Variants in LRTM3 observed in about 807,000 individuals in gnomAD.
LRTM3 encodes the protein leucine-rich repeat transmembrane protein 3.
chr13:102,743,377 T>C, the LRTM3 span: 1 of 1,550,582 alleles, frequency 6.4e-7, no homozygotes, highest in Non-Finnish European at 8.7e-7. Context: ...TATTTGGAAA[T>C]GTATCAGCCA....
At chr13:102,750,161 T>C in the LRTM3 span, 4 of 1,551,098 alleles carry the variant, frequency 2.6e-6, no homozygotes, top group Non-Finnish European at 3.5e-6. Context: ...ATGCTCTGTA[T>C]GGCTTAGACA....
At chr13:102,740,532 C>T in the LRTM3 span, 15 of 1,549,450 alleles carry the variant, frequency 9.7e-6, no homozygotes, top group Non-Finnish European at 1.1e-5. Context: ...CATTTTTGGC[C>T]TGTTTTGAGT....
At chr13:102,741,544 T>A in the LRTM3 span, 1 of 1,550,244 alleles carries the variant, frequency 6.5e-7, no homozygotes, top group Non-Finnish European at 8.7e-7. Context: ...CTTCCTCAGT[T>A]ACCTTTCCTG....
the LRTM3 span, chr13:102,746,013 C>T: frequency 3.9e-5 from 60 of 1,551,148 alleles, no homozygotes; most frequent in Middle Eastern, 3.3e-4. Context: ...GCCTGTAAAG[C>T]TTTGGGAGGT....
the LRTM3 span, chr13:102,743,183 G>T: frequency 2.6e-6 from 4 of 1,550,362 alleles, no homozygotes; most frequent in Non-Finnish European, 3.5e-6. Context: ...ATGTAGTTTT[G>T]CTCCCTTTAC....
chr13:102,758,290 C>T, the LRTM3 span: 1 of 626,870 alleles, frequency 1.6e-6, no homozygotes, highest in South Asian at 2.3e-5. Flanking sequence ...TAGATTGAAT[C>T]ATGATATTGA....
the LRTM3 span, chr13:102,731,842 T>C: frequency 6.5e-7 from 1 of 1,549,852 alleles, no homozygotes; most frequent in Non-Finnish European, 8.7e-7. Context: ...ACTTTGGATC[T>C]TCAAGCATAG....
the LRTM3 span, chr13:102,733,195 C>G: frequency 3.2e-6 from 5 of 1,551,282 alleles, no homozygotes; most frequent in Non-Finnish European, 4.4e-6. Flanking sequence ...GGATCACTTG[C>G]TTTTTCATGA....
the LRTM3 span, chr13:102,740,378 A>G: frequency 4.5e-6 from 7 of 1,550,334 alleles, no homozygotes; most frequent in Non-Finnish European, 6.1e-6. Flanking sequence ...AAACAAGTCT[A>G]GTCCTGGTGT....
the LRTM3 span, chr13:102,741,636 A>C: frequency 6.4e-7 from 1 of 1,550,488 alleles, no homozygotes; most frequent in Non-Finnish European, 8.7e-7. Context: ...TGTTTCAGCA[A>C]TTCTTGCTCC....
the LRTM3 span, chr13:102,745,187 C>T: frequency 4.8e-5 from 74 of 1,550,824 alleles, 1 homozygote; most frequent in East Asian, 2.9e-4. Context: ...CTGACCTGAA[C>T]GGAACATGAA....
chr13:102,743,752 C>T, the LRTM3 span: 12 of 1,550,086 alleles, frequency 7.7e-6, no homozygotes, highest in Middle Eastern at 6.7e-4. Context: ...TTCTGGTAGA[C>T]TCTCTATTGA....
At chr13:102,759,007 C>G in the LRTM3 span, 1 of 823,598 alleles carries the variant, frequency 1.2e-6, no homozygotes, top group Non-Finnish European at 1.9e-6. Flanking sequence ...AATATAAAAC[C>G]TCGGTATGCC....
the LRTM3 span, chr13:102,749,067 T>G: frequency 1.3e-6 from 2 of 1,550,394 alleles, no homozygotes; most frequent in African/African-American, 1.4e-5. Context: ...GAAACAGAAA[T>G]AAGATGCAAA....
chr13:102,729,370 G>T, the LRTM3 span: 1 of 1,030,322 alleles, frequency 9.7e-7, no homozygotes, highest in Non-Finnish European at 1.3e-6. Flanking sequence ...GAAGCCATTG[G>T]ATGTTATATG....
the LRTM3 span, chr13:102,739,099 C>A: frequency 6.4e-7 from 1 of 1,550,390 alleles, no homozygotes; most frequent in Admixed American, 2.0e-5. Context: ...TTCTAGGATT[C>A]CATTCCAAGT....
chr13:102,731,262 G>C, the LRTM3 span: 547 of 1,551,260 alleles, frequency 3.5e-4, 2 homozygotes, highest in African/African-American at 6.4e-3. Flanking sequence ...TTTGAGTTAG[G>C]TTCTATGGTA....
At chr13:102,743,146 T>C in the LRTM3 span, 5 of 1,550,536 alleles carry the variant, frequency 3.2e-6, no homozygotes, top group South Asian at 2.4e-5. Flanking sequence ...TAAGATGTTC[T>C]TGCTTCTCTT....
At chr13:102,732,076 G>C in the LRTM3 span, 2 of 1,551,196 alleles carry the variant, frequency 1.3e-6, no homozygotes, top group Non-Finnish European at 1.7e-6. Context: ...CAAAGGGCTG[G>C]GGATCTTGTG....
Sources: gnomAD v4.1 joint callset for allele counts on GRCh38, gnomAD v4.1.1 for gene constraint, MANE v1.5 for transcripts, NCBI Gene and HGNC (gene_info 2026-07-23, HGNC 2026-07-21) for gene names.